MARCHF1: variants seen among roughly 807,000 people sequenced by gnomAD.
MARCHF1 encodes the protein E3 ubiquitin-protein ligase MARCHF1.
MARCHF1 carries 40 observed loss-of-function variants against 54.2 expected under a neutral mutation model. The ratio of observed to expected loss-of-function variants is 0.74; its 90% CI spans 0.57 to 0.96. MARCHF1 has a LOEUF of 0.96. Ranked by LOEUF, MARCHF1 falls within the 40% of genes least tolerant of loss-of-function variation. The pLI, the probability that MARCHF1 is intolerant of heterozygous loss-of-function variation, is 0.00. For synonymous variants in MARCHF1, 236 were observed against 236.3 expected (o/e 1.00, Z 0.01); for missense variants, 586 against 656.5 (o/e 0.89, Z 1.17).
intron 3 of MARCHF1, among the ~76,000 whole-genome samples, chr4:163,939,031 C>T (rs561927746): frequency 6.6e-6 from 1 of 152,218 alleles, no homozygotes; most frequent in Admixed American, 6.5e-5. Flanking sequence ...ATGCAGATGA[C>T]CTGGTGCAAT....
At chr4:163,768,345 G>T (rs1170423310) in intron 4 of MARCHF1, among the ~76,000 whole-genome samples, 1 of 152,126 alleles carries the variant, frequency 6.6e-6, no homozygotes, top group Non-Finnish European at 1.5e-5. Context: ...TTGTTGAAAA[G>T]AACACTAACA....
chr4:164,291,370 A>G (rs1356975618), intron 1 of MARCHF1, among the ~76,000 whole-genome samples: 4 of 151,990 alleles, frequency 2.6e-5, no homozygotes, highest in South Asian at 2.1e-4. Flanking sequence ...CTTTCTTTAA[A>G]CTAACAGTTT....
At chr4:163,719,263 G>A (rs1745364070) in intron 4 of MARCHF1, among the ~76,000 whole-genome samples, 2 of 149,932 alleles carry the variant, frequency 1.3e-5, no homozygotes, top group Non-Finnish European at 3.0e-5. Flanking sequence ...TGCCACCTAT[G>A]AGTGAGAACA....
intron 3 of MARCHF1, among the ~76,000 whole-genome samples, chr4:163,866,084 A>G (rs1214923689): frequency 6.6e-6 from 1 of 151,576 alleles, no homozygotes; most frequent in East Asian, 1.9e-4. Context: ...TCTCTAGGGA[A>G]CTCAGAAATC....
At chr4:164,324,932 T>C in intron 1 of MARCHF1, among the ~76,000 whole-genome samples, 1 of 151,838 alleles carries the variant, frequency 6.6e-6, no homozygotes, top group South Asian at 2.1e-4. Flanking sequence ...TAATTTTAAT[T>C]TAATAAAATG....
intron 3 of MARCHF1, among the ~76,000 whole-genome samples, chr4:163,856,780 G>A (rs1368286505): frequency 6.6e-6 from 1 of 152,136 alleles, no homozygotes; most frequent in African/African-American, 2.4e-5. Context: ...GGAGGCCGAG[G>A]TGGGAGGATC....
rs1253588713 is a variant in MARCHF1, at chr4:163,988,513, GTTC to G, written c.-54_-52del. 6.6e-6 allele frequency: 1 copy of G among 152,292 alleles called. No homozygotes were observed. The highest frequency in any genetic ancestry group is 2.4e-5 in the African/African-American group (1 of 41,412). The allele number at this position is 152,292 out of a possible 1,614,324, so 9.4% of individuals were successfully genotyped here. A position where few individuals can be genotyped will look rare whatever the true frequency, so the allele number is the denominator to read the frequency against. ...AACCTCCTCTTACCTCGACTTCCTT[GTTC>G]TTCTCTTTGTTTCTGCCCATTGAAT... On this transcript the variant is annotated 5_prime_UTR_variant, in exon 3 of 10. Transcript: ENST00000514618.
intron 3 of MARCHF1, among the ~76,000 whole-genome samples, chr4:163,893,886 G>C (rs1234820861): frequency 6.6e-6 from 1 of 152,066 alleles, no homozygotes; most frequent in Non-Finnish European, 1.5e-5. Flanking sequence ...ATACATCAAA[G>C]AAGTGCTCAC....
intron 5 of MARCHF1, among the ~76,000 whole-genome samples, chr4:163,683,716 G>A (rs1001960250): frequency 2.0e-5 from 3 of 152,174 alleles, no homozygotes; most frequent in Admixed American, 6.5e-5. Context: ...GCATGTGTTC[G>A]ACTTATGATA....
chr4:164,318,199 A>G (rs1019792878), intron 1 of MARCHF1, among the ~76,000 whole-genome samples: 6 of 152,208 alleles, frequency 3.9e-5, no homozygotes, highest in Admixed American at 1.3e-4. Context: ...GCACACAGTA[A>G]TTGTTCAAAA....
chr4:163,983,997 A>G (rs1222589720), intron 3 of MARCHF1, among the ~76,000 whole-genome samples: 1 of 151,892 alleles, frequency 6.6e-6, no homozygotes, highest in Non-Finnish European at 1.5e-5. Flanking sequence ...AAAAATTACT[A>G]AAAATTTATT....
intron 3 of MARCHF1, among the ~76,000 whole-genome samples, chr4:163,882,146 A>C (rs1247158679): frequency 2.0e-5 from 3 of 152,206 alleles, no homozygotes; most frequent in Non-Finnish European, 2.9e-5. Flanking sequence ...AGATTAATGG[A>C]AATTTTTGGA....
intron 5 of MARCHF1, among the ~76,000 whole-genome samples, chr4:163,656,956 A>G (rs1743167149): frequency 6.6e-6 from 1 of 152,160 alleles, no homozygotes; most frequent in Non-Finnish European, 1.5e-5. Flanking sequence ...ATCATACTGA[A>G]TAGGCAAATG....
chr4:163,676,444 T>C (rs1456216710), intron 5 of MARCHF1, among the ~76,000 whole-genome samples: 1 of 151,798 alleles, frequency 6.6e-6, no homozygotes, highest in African/African-American at 2.4e-5. Flanking sequence ...GAAGATAATG[T>C]ATAGGTTTAA....
intron 2 of MARCHF1, among the ~76,000 whole-genome samples, chr4:164,088,736 C>T (rs1755240920): frequency 6.6e-6 from 1 of 151,948 alleles, no homozygotes; most frequent in Non-Finnish European, 1.5e-5. Context: ...GAGTCTCTAC[C>T]TCAGAAAAAT....
At chr4:164,299,719 G>C (rs1205296300) in intron 1 of MARCHF1, among the ~76,000 whole-genome samples, 7 of 152,144 alleles carry the variant, frequency 4.6e-5, no homozygotes, top group Admixed American at 4.6e-4. Flanking sequence ...GTCAACAGTT[G>C]AATGGAGTGG....
chr4:163,665,464 C>A (rs764996845), intron 5 of MARCHF1, among the ~76,000 whole-genome samples: 20 of 151,994 alleles, frequency 1.3e-4, no homozygotes, highest in Non-Finnish European at 2.8e-4. Context: ...TTTCAATGTG[C>A]ATTTTTAGGC....
intron 1 of MARCHF1, among the ~76,000 whole-genome samples, chr4:164,186,793 T>C (rs184735599): frequency 1.4e-4 from 22 of 152,314 alleles, no homozygotes; most frequent in African/African-American, 5.1e-4. Context: ...AGGTTCTTTG[T>C]AATATAATGG....
chr4:164,250,206 T>C (rs947195052), intron 1 of MARCHF1, among the ~76,000 whole-genome samples: 2 of 152,070 alleles, frequency 1.3e-5, no homozygotes, highest in Non-Finnish European at 1.5e-5. Flanking sequence ...ATGTGCATGG[T>C]TAAAGTCATT....
Sources: gnomAD v4.1 joint callset for allele counts (sites outside exome capture counted in the v4.1 genomes callset) on GRCh38, gnomAD v4.1.1 for gene constraint, MANE v1.5 for transcripts, NCBI Gene and HGNC (gene_info 2026-07-23, HGNC 2026-07-21) for gene names.